Variants in MARK3 observed in about 807,000 individuals in gnomAD.
The protein encoded by MARK3 is microtubule affinity regulating kinase 3.
In MARK3, 46 loss-of-function variants were observed where a neutral mutation model predicts 90.1. The observed-to-expected ratio is 0.51, with a 90% CI of 0.40 to 0.65. MARK3 has a LOEUF of 0.65. Among genes scored for constraint, MARK3 ranks in the 30% least tolerant of loss-of-function variants. MARK3 has a pLI of 0.00. For synonymous variants in MARK3, 321 were observed against 332.6 expected (o/e 0.97, Z 0.38); for missense variants, 818 against 947.2 (o/e 0.86, Z 1.79).
At chr14:103,458,034 A>G (rs898616947) in intron 6 of MARK3, among the ~76,000 whole-genome samples, 1 of 152,188 alleles carries the variant, frequency 6.6e-6, no homozygotes, top group African/African-American at 2.4e-5. Context: ...CAGATTTGCA[A>G]TCATTATATT....
At chr14:103,452,050 C>A in intron 5 of MARK3, 67 bp downstream of exon 5, 1 of 1,027,756 alleles carries the variant, frequency 9.7e-7, no homozygotes, top group Non-Finnish European at 1.5e-6. Flanking sequence ...CACAACCATA[C>A]TGCCCATATG....
chr14:103,428,033 A>G (rs1387493955), intron 2 of MARK3, among the ~76,000 whole-genome samples: 5 of 152,130 alleles, frequency 3.3e-5, no homozygotes, highest in Admixed American at 3.3e-4. Flanking sequence ...AACACTTCTG[A>G]CATATTTCCC....
intron 12 of MARK3, among the ~76,000 whole-genome samples, chr14:103,470,294 G>A (rs1207481975): frequency 6.6e-6 from 1 of 151,910 alleles, no homozygotes; most frequent in African/African-American, 2.4e-5. Flanking sequence ...AAGACTCCCA[G>A]TGGGTAGGCT....
Position 103,405,269 on chromosome 14 carries a change from T to C in MARK3, c.243+2T>C. The C allele has an allele frequency of 6.6e-7, 1 of 1,517,438 alleles. No individual in the cohort carries two copies. The highest frequency in any genetic ancestry group is 8.8e-7 in the Non-Finnish European group (1 of 1,134,638). 94.0% of individuals were successfully genotyped at this position (1,517,438 alleles called of 1,614,324 possible). A position where few individuals can be genotyped will look rare whatever the true frequency, so the allele number is the denominator to read the frequency against. On this transcript the variant is annotated splice_donor_variant, in intron 2 of 17. Coordinates refer to ENST00000429436, the MANE Select transcript of MARK3 (RefSeq NM_001128918.3). LOFTEE classifies it high-confidence loss of function. ...AGACATATCCTTACAGGCAGAGAGG[T>C]AAATACCAGTTATGCTTATTTCTGT... is the stretch of plus-strand genomic sequence containing the variant.
intron 2 of MARK3, among the ~76,000 whole-genome samples, chr14:103,410,323 A>G (rs1284537158): frequency 6.6e-6 from 1 of 152,218 alleles, no homozygotes; most frequent in Non-Finnish European, 1.5e-5. Context: ...AAGAGGGCAG[A>G]GCCCTTGCAA....
intron 5 of MARK3, among the ~76,000 whole-genome samples, chr14:103,453,048 T>A (rs559825162): frequency 6.6e-6 from 1 of 152,350 alleles, no homozygotes; most frequent in South Asian, 2.1e-4. Flanking sequence ...AGGCCAGAAA[T>A]GATGGTTACA....
In MARK3 at chr14:103,503,462, T is replaced by C. The variant is rs2756130; in HGVS notation, c.*235T>C. ...CTACTTCCGTTACCCTGAGAGTCGG[T>C]GTGTGGCCCCATCTCCATGTGCCTC... On this transcript the variant is annotated 3_prime_UTR_variant, in exon 18 of 18. Transcript: ENST00000429436. The C allele has an allele frequency of 0.99, 510,202 of 516,166 alleles. 252,411 individuals carry two copies. Among genetic ancestry groups the C allele is most frequent in the East Asian group, 1 (29,700 of 29,700 alleles). 32.0% of individuals were successfully genotyped at this position (516,166 alleles called of 1,614,324 possible).
At chr14:103,468,231 A>G (rs745508250) in intron 12 of MARK3, 45 bp downstream of exon 12, 25 of 1,568,032 alleles carry the variant, frequency 1.6e-5, no homozygotes, top group Non-Finnish European at 2.1e-5. Context: ...AGTCCAGGCA[A>G]GAGGTCTCCT....
At chr14:103,498,271 C>T (rs2075455703) in intron 15 of MARK3, among the ~76,000 whole-genome samples, 1 of 151,266 alleles carries the variant, frequency 6.6e-6, no homozygotes, top group African/African-American at 2.4e-5. Context: ...TCAATATGTA[C>T]TGCTAAACCT....
chr14:103,460,468 A>G (rs751094815), intron 6 of MARK3, among the ~76,000 whole-genome samples: 1 of 152,106 alleles, frequency 6.6e-6, no homozygotes, highest in Non-Finnish European at 1.5e-5. Context: ...ATTGAAAGTG[A>G]ATTAGGTTAA....
chr14:103,450,470 T>C (rs1200464994), intron 4 of MARK3, among the ~76,000 whole-genome samples: 1 of 152,260 alleles, frequency 6.6e-6, no homozygotes, highest in Non-Finnish European at 1.5e-5. Context: ...TGACATATCT[T>C]TGATAATAAA....
intron 3 of MARK3, among the ~76,000 whole-genome samples, chr14:103,431,537 A>G (rs1235119518): frequency 6.6e-6 from 1 of 152,142 alleles, no homozygotes; most frequent in Non-Finnish European, 1.5e-5. Flanking sequence ...AGGCTGAGGC[A>G]GGAGAATTGC....
In MARK3 at chr14:103,471,866, T is replaced by G. The variant is rs1223760515; in HGVS notation, c.1265-3127T>G. On this transcript the variant is annotated intron_variant, in intron 12 of 17. Coordinates refer to ENST00000429436, the MANE Select transcript of MARK3 (RefSeq NM_001128918.3). ...GTAGTTCTCAGAAAAAAAATTAATT[T>G]GGATCAATTTCTCACATCTTATACA... Among the ~76,000 whole-genome samples the G allele has an allele frequency of 3.9e-5, 6 of 152,248 alleles. No homozygotes were observed. In the East Asian group the frequency reaches 7.7e-4, roughly 20 times the overall value.
At chr14:103,484,862 A>G (rs1198059264) in intron 14 of MARK3, among the ~76,000 whole-genome samples, 3 of 148,468 alleles carry the variant, frequency 2.0e-5, no homozygotes, top group South Asian at 2.2e-4. Flanking sequence ...CAGAGGTTGC[A>G]GTGAGCCGAG....
chr14:103,467,974 C>G, intron 11 of MARK3, 59 bp from the exon 12 acceptor site: 1 of 1,561,942 alleles, frequency 6.4e-7, no homozygotes, highest in South Asian at 1.2e-5. Flanking sequence ...AGTTTAACTT[C>G]CTAATAAGCC....
At chr14:103,491,020 A>T (rs1338688807) in intron 14 of MARK3, 2 of 1,288,730 alleles carry the variant, frequency 1.6e-6, no homozygotes, top group Non-Finnish European at 2.0e-6. Flanking sequence ...CGGCTGAGAC[A>T]TCAGAAGTCG....
At chr14:103,462,497 CTGTT>C (rs766364646) in intron 7 of MARK3, 36 bp downstream of exon 7, 48 of 1,514,674 alleles carry the variant, frequency 3.2e-5, no homozygotes, top group East Asian at 2.8e-4. Flanking sequence ...TATGCTCTGT[CTGTT>C]TGTGTGCAGT....
intron 14 of MARK3, among the ~76,000 whole-genome samples, chr14:103,482,266 A>T (rs1348340992): frequency 6.6e-6 from 1 of 151,618 alleles, no homozygotes; most frequent in East Asian, 2.0e-4. Flanking sequence ...CACACCTGTA[A>T]TCCCAGCACT....
chr14:103,415,184 T>C (rs77569139), intron 2 of MARK3, among the ~76,000 whole-genome samples: 2 of 139,532 alleles, frequency 1.4e-5, no homozygotes, highest in Non-Finnish European at 3.1e-5. Flanking sequence ...AAGATACTCA[T>C]GAAAAACTAT....
Sources: allele counts gnomAD v4.1 joint callset (sites outside exome capture counted in the v4.1 genomes callset), GRCh38; gene constraint gnomAD v4.1.1; transcripts MANE v1.5; gene names NCBI Gene and HGNC (gene_info 2026-07-23, HGNC 2026-07-21).